Variants in IL31RA observed in about 807,000 individuals in gnomAD.
IL31RA encodes interleukin 31 receptor A, also known as interleukin-31 receptor subunit alpha.
A neutral mutation model predicts 83.7 loss-of-function variants in IL31RA; 66 were observed. The ratio of observed to expected loss-of-function variants is 0.79; its 90% confidence interval spans 0.65 to 0.97. The LOEUF (loss-of-function observed/expected upper bound fraction) is 0.97, where lower values mean the gene tolerates loss of function less well. IL31RA is among the 50% of genes least tolerant of loss of function. The pLI, the probability that IL31RA is intolerant of heterozygous loss-of-function variation, is 0.00. For missense variants in IL31RA, 798 were observed against 919.4 expected, an observed-to-expected ratio of 0.87 and a Z score of 1.71; for synonymous variants, 325 against 329.0, an observed-to-expected ratio of 0.99 and a Z score of 0.13.
At chr5:55,855,621 A>G (rs1580644563) in intron 1 of IL31RA, among the ~76,000 whole-genome samples, 1 of 152,262 alleles carries the variant, frequency 6.6e-6, no homozygotes, top group East Asian at 1.9e-4. Context: ...TGAAGTATCC[A>G]TTTTATGGGG....
chr5:55,858,100 A>G (rs1270585720), intron 1 of IL31RA, among the ~76,000 whole-genome samples: 1 of 152,188 alleles, frequency 6.6e-6, no homozygotes, highest in Non-Finnish European at 1.5e-5. Flanking sequence ...GAGTCAAGCA[A>G]TAATTACCAT....
chr5:55,894,449 C>G (rs1009674289), intron 6 of IL31RA, among the ~76,000 whole-genome samples: 7 of 152,172 alleles, frequency 4.6e-5, no homozygotes, highest in Admixed American at 1.3e-4. Flanking sequence ...GCTTTTGAGA[C>G]AACACCTCAG....
At chr5:55,867,137 ATG>A (rs34406059) in intron 2 of IL31RA, among the ~76,000 whole-genome samples, 44,780 of 85,356 alleles carry the variant, frequency 0.52, 11,286 homozygotes, top group South Asian at 0.66. Flanking sequence ...GTGTGTGTGC[ATG>A]TGTGTGTGCA....
At chr5:55,847,185 G>C (rs191866150), upstream of IL31RA, among the ~76,000 whole-genome samples, 9,890 of 147,816 alleles carry the variant, frequency 0.067, 523 homozygotes, top group African/African-American at 0.15. Flanking sequence ...GGAGGTTGTG[G>C]TGAGCCGAGA....
chr5:55,865,133 G>C (rs769456688), intron 2 of IL31RA, among the ~76,000 whole-genome samples: 3 of 152,226 alleles, frequency 2.0e-5, no homozygotes, highest in Non-Finnish European at 4.4e-5. Flanking sequence ...TCCAAGCTGC[G>C]TGGGCTCTTT....
At chr5:55,850,345 GT>G (rs569319403), upstream of IL31RA, among the ~76,000 whole-genome samples, 74 of 152,088 alleles carry the variant, frequency 4.9e-4, no homozygotes, top group Non-Finnish European at 9.0e-4. Context: ...TGTACTGCTG[GT>G]AGTCAGATGT....
At chr5:55,855,004 G>A (rs1357397026) in intron 1 of IL31RA, among the ~76,000 whole-genome samples, 1 of 152,112 alleles carries the variant, frequency 6.6e-6, no homozygotes, top group Non-Finnish European at 1.5e-5. Flanking sequence ...ACCAAGTCCT[G>A]TGGGTCTTGA....
intron 13 of IL31RA, among the ~76,000 whole-genome samples, chr5:55,913,936 C>T (rs1394837290): frequency 6.6e-6 from 1 of 152,216 alleles, no homozygotes; most frequent in Non-Finnish European, 1.5e-5. Context: ...GGCCTTCTTG[C>T]GAGCTCTGTC....
rs924032454 is a variant in IL31RA at position 55,917,542 on chromosome 5, A to G, written c.*422A>G. On this transcript the variant is annotated 3_prime_UTR_variant, in exon 15 of 15. Coordinates refer to ENST00000652347, the MANE Select transcript of IL31RA (RefSeq NM_139017.7). Reference sequence around the variant, plus strand: ...AGGCCTTTCCCTGCTGCCAGAGGACAGTTGTTTTGTTGGCTCTTGGGTGGT... The same window carrying G: ...AGGCCTTTCCCTGCTGCCAGAGGACGGTTGTTTTGTTGGCTCTTGGGTGGT... 2.4e-4 allele frequency among the ~76,000 whole-genome samples: 37 copies of G among 151,808 alleles called. No individual in the cohort carries two copies. The highest frequency in any genetic ancestry group is 8.7e-4 in the African/African-American group (36 of 41,316).
the IL31RA span, among the ~76,000 whole-genome samples, chr5:55,842,915 T>G: frequency 4.6e-5 from 7 of 152,250 alleles, no homozygotes; most frequent in African/African-American, 1.7e-4. Flanking sequence ...GATTGTACTC[T>G]GTTGTGTTCT....
rs62361957 is a variant in IL31RA at position 55,918,278 on chromosome 5, G to A, written c.*1158G>A. ...AGTGGCCCAAGGTGCAGTGAACCCA[G>A]CACTTGCCAGCCAGGAAGGCTGATG... On this transcript the variant is annotated 3_prime_UTR_variant, in exon 15 of 15. Coordinates refer to ENST00000652347, the MANE Select transcript of IL31RA (RefSeq NM_139017.7). Among the ~76,000 whole-genome samples the A allele has an allele frequency of 0.18, 27,753 of 152,152 alleles. 2,758 individuals are homozygous for A. The highest frequency in any genetic ancestry group is 0.32 in the Middle Eastern group (94 of 292).
intron 5 of IL31RA, among the ~76,000 whole-genome samples, chr5:55,886,863 G>C (rs766420188): frequency 5.9e-5 from 9 of 152,158 alleles, no homozygotes; most frequent in African/African-American, 4.8e-5. Flanking sequence ...CCACCTTTCA[G>C]AACTCAGGCC....
rs993578628 is a variant in IL31RA, at chr5:55,918,786, G to A, written c.*1666G>A. ...GCTCTGTCCTCCTAACATCTCCAGC[G>A]GCTGCAGCCACCCCCCCACCACCCA... On this transcript the variant is annotated 3_prime_UTR_variant, in exon 15 of 15. Transcript: ENST00000652347. Among the ~76,000 whole-genome samples, 3 of 151,982 alleles carry A rather than the reference G, an allele frequency of 2.0e-5. No homozygotes were observed. Among genetic ancestry groups the A allele is most frequent in the South Asian group, 2.1e-4 (1 of 4,814 alleles).
rs1749141654 is a variant in IL31RA, at chr5:55,906,190, A to T, written c.1154A>T (p.Asn385Ile). ...TGGCAAAGCTCTGCTCTAGACGTGA[A>T]CACTTGGATGATTGAATGGTTTCCG... is the stretch of plus-strand genomic sequence containing the variant. ...VKWQSSALDV[N>I]TWMIEWFPDV... The change falls in exon 9 of 15, where the codon AAC becomes ATC. Residue 385 changes from asparagine (N) to isoleucine (I), a missense_variant. Transcript: ENST00000652347. The T allele has an allele frequency of 6.2e-7, 1 of 1,614,096 alleles. No homozygotes were observed.
At position 55,921,363 on chromosome 5, in the gene IL31RA, T is replaced by C. The variant is rs1410361686; in HGVS notation, c.*4243T>C. 4.6e-5 allele frequency among the ~76,000 whole-genome samples: 7 copies of C among 152,228 alleles called. No individual in the cohort carries two copies. Among genetic ancestry groups the C allele is most frequent in the Admixed American group, 4.6e-4 (7 of 15,278 alleles). On this transcript the variant is annotated 3_prime_UTR_variant, in exon 15 of 15. Coordinates refer to ENST00000652347, the MANE Select transcript of IL31RA (RefSeq NM_139017.7). ...ATGAGCAAAGCATTTTGAACATCCA[T>C]GAAAAACCCCATGGCGGGCCTGCAT...
chr5:55,883,280 A>G (rs1224616330), intron 5 of IL31RA, 85 bp downstream of exon 5: 1 of 1,207,128 alleles, frequency 8.3e-7, no homozygotes, highest in African/African-American at 1.5e-5. Context: ...TGGAATCATT[A>G]TTTCACTTTT....
At chr5:55,850,826 C>T (rs373770687), upstream of IL31RA, among the ~76,000 whole-genome samples, 2 of 152,222 alleles carry the variant, frequency 1.3e-5, no homozygotes, top group Non-Finnish European at 1.5e-5. Flanking sequence ...CGTGGTGGCT[C>T]ATGCCTGTAA....
intron 4 of IL31RA, among the ~76,000 whole-genome samples, chr5:55,872,665 G>A (rs952640660): frequency 6.6e-6 from 1 of 151,592 alleles, no homozygotes; most frequent in Non-Finnish European, 1.5e-5. Flanking sequence ...TCACCAAATG[G>A]GAAAAAAGGA....
chr5:55,874,898 A>T (rs1012884935), intron 4 of IL31RA, among the ~76,000 whole-genome samples: 6 of 152,086 alleles, frequency 3.9e-5, no homozygotes, highest in Non-Finnish European at 7.4e-5. Flanking sequence ...AACTTTTAGT[A>T]TAGTGTTGAA....
Sources: gnomAD v4.1 joint callset for allele counts (sites outside exome capture counted in the v4.1 genomes callset) on GRCh38, gnomAD v4.1.1 for gene constraint, MANE v1.5 for transcripts, NCBI Gene and HGNC (gene_info 2026-07-23, HGNC 2026-07-21) for gene names.